Variants in RELB observed in about 807,000 individuals in gnomAD.
RELB encodes the protein RELB proto-oncogene, NF-kB subunit, also known as transcription factor RelB.
RELB carries 14 observed loss-of-function variants against 55.4 expected under a neutral mutation model. That is an observed-to-expected ratio of 0.25 (90% confidence interval 0.17 to 0.40). RELB has a LOEUF of 0.40. Ranked by LOEUF, RELB falls within the 10% of genes least tolerant of loss-of-function variation. RELB has a pLI of 1.00. For synonymous variants in RELB, 409 were observed against 371.3 expected (o/e 1.10, Z -1.17); for missense variants, 669 against 830.7 (o/e 0.81, Z 2.39).
In RELB at chr19:45,012,188, G is replaced by T; in HGVS notation, c.416G>T (p.Arg139Leu). The change falls in exon 4 of 12, where the codon CGC (arginine) becomes CTC (leucine). Residue 139 changes from arginine to leucine, a missense_variant. By Grantham distance (102) the Arg-to-Leu change is moderately radical. Around this residue, in one of 3 missense-constraint regions of RELB, gnomAD observed 323 missense variants for 368.5 expected, o/e 0.88. Transcript: ENST00000221452. ...ITEQPKQRGM[R>L]FRYECEGRSA... ...GAGCAGCCCAAGCAGCGCGGCATGC[G>T]CTTCCGCTACGAGTGCGAGGGCCGC... is the stretch of plus-strand genomic sequence containing the variant. 2 of 1,540,148 alleles carry T rather than the reference G, an allele frequency of 1.3e-6. No homozygotes were observed. Among genetic ancestry groups the T allele is most frequent in the Admixed American group, 2.2e-5 (1 of 46,368 alleles).
At chr19:45,007,896 C>T (rs1971301622) in intron 2 of RELB, among the ~76,000 whole-genome samples, 1 of 147,276 alleles carries the variant, frequency 6.8e-6, no homozygotes, top group South Asian at 2.2e-4. Context: ...GTGGCTCACG[C>T]CTGTAATCCC....
chr19:45,015,376 C>G (rs1180118029), intron 4 of RELB, among the ~76,000 whole-genome samples: 1 of 152,034 alleles, frequency 6.6e-6, no homozygotes, highest in Non-Finnish European at 1.5e-5. Flanking sequence ...CAGTAAGACC[C>G]GAGAGGTTTA....
Position 45,036,768 on chromosome 19 carries a change from A to C in RELB, c.1355-637A>C, listed in dbSNP as rs1971690557. Among the ~76,000 whole-genome samples the C allele has an allele frequency of 2.6e-5, 4 of 152,162 alleles. No individual in the cohort carries two copies. In the South Asian group the frequency reaches 8.3e-4, roughly 32 times the overall value. ...GTGATCATACTTCGCTGCAGCCTCA[A>C]ACTGGGCTCAAGCAATCCTCCTGCC... On this transcript the variant is annotated intron_variant, in intron 11 of 11. Coordinates refer to ENST00000221452, the MANE Select transcript of RELB (RefSeq NM_006509.4).
At chr19:45,023,992 ACCCG>A (rs1428562019) in intron 5 of RELB, among the ~76,000 whole-genome samples, 7 of 28,858 alleles carry the variant, frequency 2.4e-4, no homozygotes, top group Non-Finnish European at 4.2e-4. Flanking sequence ...CTTGTGACCC[ACCCG>A]CCTCGGCCTC....
chr19:45,019,158 G>C (rs776996484), intron 4 of RELB, among the ~76,000 whole-genome samples: 111 of 152,078 alleles, frequency 7.3e-4, no homozygotes, highest in Non-Finnish European at 9.8e-4. Flanking sequence ...GATCTCCAGG[G>C]TTCAAGCAGT....
chr19:45,011,378 G>A (rs1971348455), intron 3 of RELB, among the ~76,000 whole-genome samples: 1 of 149,904 alleles, frequency 6.7e-6, no homozygotes, highest in Non-Finnish European at 1.5e-5. Context: ...TAGCCAGGAT[G>A]GTCTCGATCT....
At chr19:45,012,343 A>G in intron 4 of RELB, 67 bp downstream of exon 4, 2 of 978,588 alleles carry the variant, frequency 2.0e-6, no homozygotes, top group Non-Finnish European at 2.8e-6. Flanking sequence ...AGCCATCCAC[A>G]TGCATTTATA....
chr19:45,011,104 G>A (rs558311563), intron 3 of RELB, among the ~76,000 whole-genome samples: 2 of 152,108 alleles, frequency 1.3e-5, no homozygotes, highest in Admixed American at 6.6e-5. Context: ...CGCCTGCCTC[G>A]GCCTCCCAAA....
chr19:45,023,892 A>G (rs1971523825), intron 5 of RELB, among the ~76,000 whole-genome samples: 1 of 151,110 alleles, frequency 6.6e-6, no homozygotes, highest in Non-Finnish European at 1.5e-5. Flanking sequence ...CTGGGATTAC[A>G]GGCGCCAGCC....
chr19:45,004,474 T>G (rs989047124), intron 2 of RELB, among the ~76,000 whole-genome samples: 1 of 150,410 alleles, frequency 6.6e-6, no homozygotes, highest in South Asian at 2.1e-4. Context: ...TCCGCCCTCC[T>G]CGGCCTCCCA....
intron 4 of RELB, among the ~76,000 whole-genome samples, chr19:45,019,954 G>T (rs1351253590): frequency 6.6e-6 from 1 of 151,496 alleles, no homozygotes; most frequent in African/African-American, 2.4e-5. Flanking sequence ...CCAACCTCAG[G>T]TGATCCACCC....
intron 4 of RELB, among the ~76,000 whole-genome samples, chr19:45,021,650 C>T (rs1387428322): frequency 1.6e-5 from 2 of 126,844 alleles, no homozygotes; most frequent in Non-Finnish European, 3.2e-5. Flanking sequence ...ACTCGGCTCA[C>T]TGCATCCTCC....
intron 1 of RELB, among the ~76,000 whole-genome samples, chr19:45,002,462 C>T (rs1453861236): frequency 1.3e-5 from 2 of 152,186 alleles, no homozygotes; most frequent in East Asian, 3.9e-4. Flanking sequence ...AAGCAGTTCT[C>T]CTGCCTCAGC....
At position 45,032,563 on chromosome 19, in the gene RELB, T is replaced by C; in HGVS notation, c.1021T>C (p.Ser341Pro). ...CATATCAGTGGTGTTCAGCAGGGCC[T>C]CCTGGGAAGGTCGGGCTGACTTCTC... ...EDISVVFSRA[S>P]WEGRADFSQA... The change falls in exon 9 of 12, where the codon TCC becomes CCC. Residue 341 changes from serine to proline, a missense_variant. Physicochemically the swap from Ser to Pro is moderately conservative, Grantham distance 74. Around this residue, in one of 3 missense-constraint regions of RELB, gnomAD observed 341 missense variants for 436.8 expected, o/e 0.78. Coordinates refer to ENST00000221452, the MANE Select transcript of RELB (RefSeq NM_006509.4). 1 of 1,613,430 alleles carries C rather than the reference T, an allele frequency of 6.2e-7. No homozygotes were observed. Among genetic ancestry groups the C allele is most frequent in the African/African-American group, 1.3e-5 (1 of 75,044 alleles).
chr19:45,012,152 TG>T lies in RELB; in HGVS notation c.382del (p.Val128SerfsTer53). The stretch of plus-strand genomic sequence containing the variant: ...CCGGGCCCGGGCCCGCAGCCGCACC[TG>T]GTCATCACGGAGCAGCCCAAGCAGC... ...PAPGPGPQPH[L>X]VITEQPKQRG... On this transcript the variant is annotated frameshift_variant, in exon 4 of 12. Coordinates refer to ENST00000221452, the MANE Select transcript of RELB (RefSeq NM_006509.4). LOFTEE classifies it high-confidence loss of function. The T allele has an allele frequency of 1.3e-6, 2 of 1,563,378 alleles. No homozygotes were observed. The highest frequency in any genetic ancestry group is 2.0e-5 in the Admixed American group (1 of 51,100).
chr19:45,027,349 C>T lies in RELB; in HGVS notation c.887-1539C>T, dbSNP rs531193132. On this transcript the variant is annotated intron_variant, in intron 7 of 11. Transcript: ENST00000221452. ...GCAGATGTAGCATAGTGCTTCAGGT[C>T]TGGCTGCATCCAGGGCCTCAGTGAT... Among the ~76,000 whole-genome samples the T allele has an allele frequency of 2.6e-5, 4 of 152,120 alleles. No homozygotes were observed. The South Asian group carries it at 8.3e-4, about 32-fold the overall frequency.
intron 4 of RELB, 34 bp from the exon 5 acceptor site, chr19:45,022,018 GA>G: frequency 1.3e-6 from 2 of 1,579,432 alleles, no homozygotes; most frequent in Non-Finnish European, 1.7e-6. Flanking sequence ...AGGCATCGGT[GA>G]TGGGACCCCC....
In RELB at chr19:45,025,431, C is replaced by G. The variant is rs376305817; in HGVS notation, c.754+11C>G. 3 of 1,605,660 alleles carry G rather than the reference C, an allele frequency of 1.9e-6. No homozygotes were observed. In the Admixed American group the frequency reaches 5.1e-5, roughly 27 times the overall value. On this transcript the variant is annotated intron_variant, in intron 6 of 11. Coordinates refer to ENST00000221452, the MANE Select transcript of RELB (RefSeq NM_006509.4). ...TTGACCCCTACAACGGTGAGCACCC[C>G]CTGCCTGACCTGACCATCCCGTCCT... is the stretch of plus-strand genomic sequence containing the variant.
chr19:45,003,925 T>TTTG (rs1555724880), intron 2 of RELB, among the ~76,000 whole-genome samples: 1 of 126,036 alleles, frequency 7.9e-6, no homozygotes, highest in Non-Finnish European at 1.7e-5. Context: ...GTTTTTTTTT[T>TTTG]TTTTTTTTTT....
Sources: gnomAD v4.1 joint callset for allele counts (sites outside exome capture counted in the v4.1 genomes callset) on GRCh38, gnomAD v4.1.1 for gene constraint, gnomAD v4.1.1 regional missense constraint, MANE v1.5 for transcripts, NCBI Gene and HGNC (gene_info 2026-07-23, HGNC 2026-07-21) for gene names.